CNTN4: variants seen among roughly 807,000 people sequenced by gnomAD.
CNTN4 encodes the protein contactin 4.
Under a neutral mutation model 122.5 loss-of-function variants are expected in CNTN4, and 77 were observed. The ratio of observed to expected loss-of-function variants is 0.63; its 90% CI spans 0.52 to 0.76. The LOEUF (loss-of-function observed/expected upper bound fraction) is 0.76. Ranked by LOEUF, CNTN4 falls within the 30% of genes least tolerant of loss-of-function variation. The pLI, the probability that CNTN4 is intolerant of heterozygous loss-of-function variation, is 0.00. For missense variants in CNTN4, 1,256 were observed against 1,259.1 expected (o/e 1.00, Z 0.04); for synonymous variants, 512 against 447.0 (o/e 1.15, Z -1.83).
At chr3:2,494,064 C>A (rs924123182) in intron 3 of CNTN4, among the ~76,000 whole-genome samples, 13 of 151,318 alleles carry the variant, frequency 8.6e-5, no homozygotes, top group African/African-American at 3.2e-4. Flanking sequence ...ATGAACTTCT[C>A]TTTTATTTGA....
intron 2 of CNTN4, among the ~76,000 whole-genome samples, chr3:2,242,352 CT>C (rs1029177016): frequency 6.6e-6 from 1 of 152,042 alleles, no homozygotes; most frequent in African/African-American, 2.4e-5. Flanking sequence ...GTTGGTGAGG[CT>C]GAGGCTATAT....
rs1238704741 is a variant in CNTN4, at chr3:2,866,901, A to G, written c.604A>G (p.Asn202Asp). 2 of 1,614,062 alleles carry G rather than the reference A, an allele frequency of 1.2e-6. No individual in the cohort carries two copies. The highest frequency in any genetic ancestry group is 3.3e-5 in the Admixed American group (2 of 60,014). Residue 202 changes from asparagine (N) to aspartate (D), a missense_variant, in exon 8 of 25, where the codon AAC becomes GAC. Physicochemically the swap from Asn to Asp is conservative, Grantham distance 23. Transcript: ENST00000418658. ...YTCVVTNTVT[N>D]HKVLGPPTPL... ...CTGTGTGGTTACCAATACCGTGACA[A>G]ACCACAAGGTCCTGGGGCCACCTAC...
intron 2 of CNTN4, among the ~76,000 whole-genome samples, chr3:2,179,232 T>C (rs7620382): frequency 0.31 from 46,559 of 151,878 alleles, 7,736 homozygotes; most frequent in East Asian, 0.46. Context: ...TAAGTGCTCA[T>C]ATGATTAAAA....
intron 2 of CNTN4, among the ~76,000 whole-genome samples, chr3:2,245,668 A>T (rs2040116927): frequency 6.6e-6 from 1 of 152,080 alleles, no homozygotes; most frequent in African/African-American, 2.4e-5. Context: ...GATTTAAAAT[A>T]ATAAAAATTG....
At chr3:2,705,261 G>T (rs1008758099) in intron 4 of CNTN4, among the ~76,000 whole-genome samples, 3 of 147,872 alleles carry the variant, frequency 2.0e-5, no homozygotes, top group African/African-American at 7.5e-5. Context: ...CCAGCTACTC[G>T]GGAAGCTGAG....
chr3:2,902,277 G>T (rs369186679), intron 11 of CNTN4, among the ~76,000 whole-genome samples: 18 of 152,132 alleles, frequency 1.2e-4, no homozygotes, highest in African/African-American at 4.3e-4. Context: ...CCTGTGCCAC[G>T]TACTAACTTT....
intron 3 of CNTN4, among the ~76,000 whole-genome samples, chr3:2,563,598 A>G (rs989567949): frequency 6.6e-6 from 1 of 152,150 alleles, no homozygotes; most frequent in African/African-American, 2.4e-5. Context: ...TGTACTGTAT[A>G]CTCTCACAAA....
At position 2,632,692 on chromosome 3, in the gene CNTN4, C is replaced by T. The variant is rs141849910; in HGVS notation, c.55+61134C>T. Among the ~76,000 whole-genome samples, 273 of 152,292 alleles carry T rather than the reference C, an allele frequency of 1.8e-3. 1 individual carries two copies. Among genetic ancestry groups the T allele is most frequent in the African/African-American group, 6.4e-3 (264 of 41,570 alleles). The stretch of plus-strand genomic sequence containing the variant: ...GTACCAAATAGAGATAAAGACCTCA[C>T]ATTCCTTTAGCACTTACTATATGCC... On this transcript the variant is annotated intron_variant, in intron 4 of 24. Transcript: ENST00000418658.
intron 12 of CNTN4, among the ~76,000 whole-genome samples, chr3:2,914,535 G>A (rs895272544): frequency 1.1e-4 from 16 of 152,162 alleles, no homozygotes; most frequent in African/African-American, 3.9e-4. Flanking sequence ...TGGATAACCT[G>A]GAAGAAGTAG....
chr3:2,677,340 T>TG (rs915672082), intron 4 of CNTN4, among the ~76,000 whole-genome samples: 3 of 134,518 alleles, frequency 2.2e-5, no homozygotes, highest in Non-Finnish European at 4.8e-5. Context: ...TTTTTTTTTT[T>TG]TGTGGTGGGG....
intron 2 of CNTN4, among the ~76,000 whole-genome samples, chr3:2,203,237 A>G (rs1292604764): frequency 6.6e-6 from 1 of 152,186 alleles, no homozygotes; most frequent in Admixed American, 6.6e-5. Context: ...AAATGAAAGC[A>G]TTAGGACTAA....
intron 2 of CNTN4, among the ~76,000 whole-genome samples, chr3:2,257,106 A>C (rs780668977): frequency 6.6e-6 from 1 of 152,240 alleles, no homozygotes; most frequent in Non-Finnish European, 1.5e-5. Context: ...GACCAATGGA[A>C]TAGAACAGAG....
chr3:2,492,149 C>T (rs1468453062), intron 3 of CNTN4, among the ~76,000 whole-genome samples: 1 of 152,284 alleles, frequency 6.6e-6, no homozygotes, highest in South Asian at 2.1e-4. Context: ...TTGCCTCCTG[C>T]GTTTCTAGCA....
At chr3:2,272,026 A>G (rs923769005) in intron 2 of CNTN4, among the ~76,000 whole-genome samples, 2 of 152,176 alleles carry the variant, frequency 1.3e-5, no homozygotes, top group Non-Finnish European at 2.9e-5. Flanking sequence ...GTAAAACAGT[A>G]TTTCAGTATG....
At chr3:2,393,866 C>T (rs1318443725) in intron 3 of CNTN4, among the ~76,000 whole-genome samples, 3 of 151,304 alleles carry the variant, frequency 2.0e-5, no homozygotes, top group African/African-American at 7.3e-5. Context: ...TTGCTACTAC[C>T]CCCATCATTG....
At chr3:2,773,088 G>C (rs944787513) in intron 6 of CNTN4, among the ~76,000 whole-genome samples, 2 of 152,104 alleles carry the variant, frequency 1.3e-5, no homozygotes, top group Non-Finnish European at 2.9e-5. Context: ...TATCCAGATA[G>C]TGGGGTTGTA....
At chr3:2,560,241 G>C (rs935552810) in intron 3 of CNTN4, among the ~76,000 whole-genome samples, 2 of 151,702 alleles carry the variant, frequency 1.3e-5, no homozygotes, top group African/African-American at 4.8e-5. Flanking sequence ...CCCAGGCTCA[G>C]GTGATTCTCC....
At chr3:2,463,975 G>A (rs1232451563) in intron 3 of CNTN4, among the ~76,000 whole-genome samples, 1 of 152,060 alleles carries the variant, frequency 6.6e-6, no homozygotes, top group Non-Finnish European at 1.5e-5. Flanking sequence ...ATAATGAAAT[G>A]CCTTGAAGTA....
chr3:2,895,928 G>A (rs2094108337), intron 10 of CNTN4, among the ~76,000 whole-genome samples: 1 of 152,188 alleles, frequency 6.6e-6, no homozygotes, highest in African/African-American at 2.4e-5. Flanking sequence ...AGCTACTCGG[G>A]AGGCTGAGGC....
Sources: gnomAD v4.1 joint callset for allele counts (sites outside exome capture counted in the v4.1 genomes callset) on GRCh38, gnomAD v4.1.1 for gene constraint, MANE v1.5 for transcripts, NCBI Gene and HGNC (gene_info 2026-07-23, HGNC 2026-07-21) for gene names.